CBLB: variants seen among roughly 807,000 people sequenced by gnomAD.
CBLB encodes E3 ubiquitin-protein ligase CBL-B.
A neutral mutation model predicts 104.9 loss-of-function variants in CBLB; 31 were observed. The ratio of observed to expected loss-of-function variants is 0.30; its 90% confidence interval spans 0.22 to 0.40. The LOEUF (loss-of-function observed/expected upper bound fraction) is 0.40, where lower values mean the gene tolerates loss of function less well. CBLB is among the 10% of genes least tolerant of loss of function. The pLI is 1.00. For missense variants in CBLB, 1,062 were observed against 1,214.6 expected, an observed-to-expected ratio of 0.87 and a Z score of 1.87; for synonymous variants, 440 against 422.6, an observed-to-expected ratio of 1.04 and a Z score of -0.51.
intron 13 of CBLB, among the ~76,000 whole-genome samples, chr3:105,692,310 C>T (rs933945776): frequency 4.6e-5 from 7 of 152,186 alleles, no homozygotes; most frequent in Middle Eastern, 3.4e-3. Flanking sequence ...AAGTTTTTGT[C>T]CTCAAAGTCT....
At chr3:105,782,148 C>A (rs1380758316) in intron 3 of CBLB, among the ~76,000 whole-genome samples, 1 of 152,126 alleles carries the variant, frequency 6.6e-6, no homozygotes, top group East Asian at 1.9e-4. Context: ...TGAGATGGGT[C>A]CTGACAGTCT....
intron 2 of CBLB, among the ~76,000 whole-genome samples, chr3:105,858,225 T>C (rs1351924546): frequency 1.3e-5 from 2 of 152,166 alleles, no homozygotes; most frequent in Non-Finnish European, 1.5e-5. Context: ...AGTTCATCAG[T>C]TGGATTACTA....
At chr3:105,748,346 C>T (rs1280789658) in intron 5 of CBLB, among the ~76,000 whole-genome samples, 1 of 152,188 alleles carries the variant, frequency 6.6e-6, no homozygotes, top group Non-Finnish European at 1.5e-5. Context: ...TAATTCTTTA[C>T]TACAACTGAG....
At chr3:105,743,864 G>T (rs1240681146) in intron 6 of CBLB, among the ~76,000 whole-genome samples, 1 of 150,864 alleles carries the variant, frequency 6.6e-6, no homozygotes. Flanking sequence ...ATTATAATTT[G>T]TTATATATTA....
At position 105,799,221 on chromosome 3, in the gene CBLB, G is replaced by GA. The variant is rs571291120; in HGVS notation, c.420-22680dup. Among the ~76,000 whole-genome samples, 474 of 129,656 alleles carry GA rather than the reference G, an allele frequency of 3.7e-3. 4 individuals carry two copies. The highest frequency in any genetic ancestry group is 0.013 in the African/African-American group (442 of 35,066). 85.1% of individuals were successfully genotyped at this position (129,656 alleles called of 152,430 possible). ...AAATCCCTGCAGTTAAGAAAATGAAGAAAAAAGTAAAAACATTAAGAGGGT... is the reference window on the plus strand; with the variant it reads ...AAATCCCTGCAGTTAAGAAAATGAAGAAAAAAAGTAAAAACATTAAGAGGGT... On this transcript the variant is annotated intron_variant, in intron 3 of 18. Coordinates refer to ENST00000394030, the MANE Select transcript of CBLB (RefSeq NM_170662.5).
intron 3 of CBLB, among the ~76,000 whole-genome samples, chr3:105,794,403 T>C (rs1175878662): frequency 6.6e-6 from 1 of 152,220 alleles, no homozygotes; most frequent in Non-Finnish European, 1.5e-5. Flanking sequence ...ACGGAGCAGT[T>C]TGTTTCCCCA....
intron 3 of CBLB, among the ~76,000 whole-genome samples, chr3:105,780,653 G>GTTTTTTTTTTTTTTGTT (rs1245925965): frequency 1.2e-5 from 1 of 84,692 alleles, no homozygotes; most frequent in African/African-American, 3.9e-5. Context: ...TAAAAGTTTT[G>GTTTTTTTTTTTTTTGTT]TTTTTTGTTT....
intron 14 of CBLB, among the ~76,000 whole-genome samples, chr3:105,683,595 C>A (rs1444032641): frequency 1.2e-4 from 18 of 152,194 alleles, no homozygotes; most frequent in African/African-American, 3.4e-4. Context: ...CCAAAAAAAG[C>A]TCATCCTACT....
intron 13 of CBLB, among the ~76,000 whole-genome samples, chr3:105,691,600 CA>C (rs1427492591): frequency 6.6e-6 from 1 of 152,118 alleles, no homozygotes; most frequent in Non-Finnish European, 1.5e-5. Flanking sequence ...TCTGAGTTAT[CA>C]AAGGTAATTG....
chr3:105,687,606 T>C (rs543259823), intron 13 of CBLB, among the ~76,000 whole-genome samples: 53 of 152,012 alleles, frequency 3.5e-4, no homozygotes, highest in Non-Finnish European at 6.6e-4. Context: ...TATCTAAATA[T>C]GAAAAAAATA....
Position 105,702,476 on chromosome 3 carries a change from GAAAAAAAAAAAAAA to G in CBLB, c.1594-31_1594-18del. 1.1e-5 allele frequency: 3 copies of G among 277,060 alleles called. No individual in the cohort carries two copies. The highest frequency in any genetic ancestry group is 5.0e-5 in the African/African-American group (1 of 19,810). 17.2% of individuals were successfully genotyped at this position (277,060 alleles called of 1,614,324 possible). A position where few individuals can be genotyped will look rare whatever the true frequency, so the allele number is the denominator to read the frequency against. On this transcript the variant is annotated intron_variant, in intron 11 of 18. Transcript: ENST00000394030. ...AGGAGAAGACTAAAGAAACAGAAGA[GAAAAAAAAAAAAAA>G]AAAAAAAAACTAAAGGTTGTACCAT...
At chr3:105,748,783 C>T (rs992741792) in intron 5 of CBLB, among the ~76,000 whole-genome samples, 4 of 152,110 alleles carry the variant, frequency 2.6e-5, no homozygotes, top group Admixed American at 1.3e-4. Flanking sequence ...ATTTTTACTT[C>T]TTTCATTCCC....
intron 3 of CBLB, among the ~76,000 whole-genome samples, chr3:105,819,811 T>C (rs1477949671): frequency 6.6e-6 from 1 of 152,254 alleles, no homozygotes. Flanking sequence ...AATGAAAATG[T>C]TATCTTTATA....
At position 105,776,415 on chromosome 3, in the gene CBLB, T is replaced by G. The variant is rs569536972; in HGVS notation, c.547A>C (p.Arg183=). 1.2e-5 allele frequency: 20 copies of G among 1,613,556 alleles called. 1 individual carries two copies. The South Asian group carries it at 2.1e-4, about 17-fold the overall frequency. The change falls in exon 4 of 19, where the codon AGA becomes CGA. Residue 183 remains arginine, a synonymous_variant. Coordinates refer to ENST00000394030, the MANE Select transcript of CBLB (RefSeq NM_170662.5). ...ACTTACTTGTCTCCAAAAAACTTTC[T>G]CCAGAATTCAGCAGCATCTGCTTTT... ...ITKADAAEFW[R]KFFGDKTIVP... is the part of the protein sequence containing the mutation.
chr3:105,758,602 C>T (rs60520841), intron 4 of CBLB, among the ~76,000 whole-genome samples: 2,668 of 152,304 alleles, frequency 0.018, 72 homozygotes, highest in African/African-American at 0.06. Context: ...CTGCCAAGGA[C>T]GAGTCAGATG....
intron 13 of CBLB, among the ~76,000 whole-genome samples, chr3:105,690,461 G>A (rs2152749353): frequency 6.6e-6 from 1 of 152,236 alleles, no homozygotes; most frequent in East Asian, 1.9e-4. Context: ...GGATTTTGGA[G>A]ATAATTTAAG....
rs563695391 is a variant in CBLB at position 105,698,339 on chromosome 3, C to A, written c.1959+3755G>T. Among the ~76,000 whole-genome samples the A allele has an allele frequency of 1.4e-3, 219 of 151,974 alleles. 1 individual carries two copies. Among genetic ancestry groups the A allele is most frequent in the African/African-American group, 3.8e-3 (157 of 41,460 alleles). On this transcript the variant is annotated intron_variant, in intron 12 of 18. Transcript: ENST00000394030. ...ATCATTCATTGTTCTAGTGACAATGCAAACAGAAAAGGCAAATGGTTCTTC... is the reference window on the plus strand; with the variant it reads ...ATCATTCATTGTTCTAGTGACAATGAAAACAGAAAAGGCAAATGGTTCTTC...
intron 3 of CBLB, among the ~76,000 whole-genome samples, chr3:105,793,839 C>A (rs1402973369): frequency 6.6e-6 from 1 of 151,402 alleles, no homozygotes; most frequent in Non-Finnish European, 1.5e-5. Flanking sequence ...ACACTACAAA[C>A]TTTGAAAAAG....
intron 5 of CBLB, 41 bp downstream of exon 5, chr3:105,751,421 G>A (rs376992804): frequency 2.8e-6 from 4 of 1,416,922 alleles, no homozygotes; most frequent in Non-Finnish European, 3.0e-6. Flanking sequence ...GACAGGGAGA[G>A]AGAAGAAGGG....
Sources: gnomAD v4.1 joint callset for allele counts (sites outside exome capture counted in the v4.1 genomes callset) on GRCh38, gnomAD v4.1.1 for gene constraint, MANE v1.5 for transcripts, NCBI Gene and HGNC (gene_info 2026-07-23, HGNC 2026-07-21) for gene names.